PDXDC1: variants seen among roughly 807,000 people sequenced by gnomAD.
PDXDC1 encodes the protein pyridoxal-dependent decarboxylase domain-containing protein 1.
PDXDC1 carries 42 observed loss-of-function variants against 100.1 expected under a neutral mutation model. The ratio of observed to expected loss-of-function variants is 0.42; its 90% CI spans 0.33 to 0.54. The LOEUF is 0.54. Ranked by LOEUF, PDXDC1 falls within the 20% of genes least tolerant of loss-of-function variation. The pLI is 0.10. For missense variants in PDXDC1, 636 were observed against 979.2 expected (o/e 0.65, Z 4.68); for synonymous variants, 260 against 371.7 (o/e 0.70, Z 3.46).
intron 16 of PDXDC1, among the ~76,000 whole-genome samples, chr16:15,100,184 G>A (rs1258472649): frequency 6.6e-6 from 1 of 152,166 alleles, no homozygotes; most frequent in East Asian, 1.9e-4. Context: ...GCAAATGGCT[G>A]AATGGTAGGG....
chr16:15,011,631 C>CTTTTTTTTTTT, intron 8 of PDXDC1, among the ~76,000 whole-genome samples: 50 of 131,240 alleles, frequency 3.8e-4, no homozygotes, highest in Non-Finnish European at 4.7e-4. Context: ...ACATTTTTTT[C>CTTTTTTTTTTT]TTTTTTTTTT....
intron 16 of PDXDC1, among the ~76,000 whole-genome samples, chr16:15,124,325 G>C (rs1165437639): frequency 6.6e-6 from 1 of 152,152 alleles, no homozygotes. Context: ...AACTCTCTCA[G>C]GCCTCTGGCA....
chr16:15,128,399 A>G (rs763132825), intron 16 of PDXDC1: 2 of 1,514,182 alleles, frequency 1.3e-6, no homozygotes, highest in Non-Finnish European at 1.8e-6. Context: ...CCTGGAGGGC[A>G]AGAGGGAGGG....
At chr16:14,986,135 G>T (rs1329144846) in intron 1 of PDXDC1, among the ~76,000 whole-genome samples, 1 of 152,286 alleles carries the variant, frequency 6.6e-6, no homozygotes, top group Admixed American at 6.5e-5. Flanking sequence ...GCTCACGAAG[G>T]TATGAATAGT....
intron 16 of PDXDC1, among the ~76,000 whole-genome samples, chr16:15,078,865 G>A (rs551602022): frequency 1.2e-4 from 18 of 150,038 alleles, no homozygotes; most frequent in South Asian, 8.5e-4. Context: ...AGGCTGGAGC[G>A]GAGTGGCGCA....
At chr16:15,048,235 G>C in intron 16 of PDXDC1, 1 of 625,022 alleles carries the variant, frequency 1.6e-6, no homozygotes, top group Non-Finnish European at 2.8e-6. Context: ...GGACAGAGAG[G>C]CTCAAAGAAA....
chr16:15,104,862 G>A, intron 16 of PDXDC1: 5 of 1,518,416 alleles, frequency 3.3e-6, no homozygotes, highest in African/African-American at 1.4e-5. Flanking sequence ...ATAGATTTTT[G>A]CACCTTTCCA....
the PDXDC1 span, among the ~76,000 whole-genome samples, chr16:15,148,838 G>A: frequency 2.0e-5 from 3 of 152,116 alleles, no homozygotes; most frequent in African/African-American, 7.2e-5. Flanking sequence ...AACTGCTACA[G>A]ACACAACCAA....
intron 16 of PDXDC1, chr16:15,135,224 T>C (rs548638620): frequency 1.0e-5 from 8 of 777,668 alleles, no homozygotes; most frequent in East Asian, 5.3e-5. Context: ...AAACAGTAGA[T>C]GAGCAGGGAG....
rs949199841 is a variant in PDXDC1 at position 15,068,205 on chromosome 16, A to C, written c.1399+38149A>C. On this transcript the variant is annotated intron_variant, in intron 16 of 16. Transcript: ENST00000535621. The stretch of plus-strand genomic sequence containing the variant: ...AGCAAAAAAGTTAACCACTGAGGGC[A>C]GGCAAATCTTCAGGGGATTTAGCTG... 1.4e-5 allele frequency: 22 copies of C among 1,597,920 alleles called. No individual in the cohort carries two copies. Among genetic ancestry groups the C allele is most frequent in the African/African-American group, 5.4e-5 (4 of 73,856 alleles).
chr16:15,049,826 G>A (rs1411847913), intron 16 of PDXDC1, among the ~76,000 whole-genome samples: 1 of 152,168 alleles, frequency 6.6e-6, no homozygotes, highest in Non-Finnish European at 1.5e-5. Flanking sequence ...ACAGTCATGA[G>A]AAATGAAAAC....
At position 15,044,758 on chromosome 16, in the gene PDXDC1, C is replaced by T. The variant is rs112651440; in HGVS notation, c.1399+14702C>T. 725 of 244,484 alleles carry T rather than the reference C, an allele frequency of 3.0e-3. 8 individuals carry two copies. Among genetic ancestry groups the T allele is most frequent in the African/African-American group, 0.014 (629 of 44,632 alleles). The allele number at this position is 244,484 out of a possible 1,614,324, so 15.1% of individuals were successfully genotyped here. On this transcript the variant is annotated intron_variant, in intron 16 of 16. Transcript: ENST00000535621. ...TAGCACTTTGGGAGGCTGAGGTGGG[C>T]GGATCACTTGAGGTTAGGAGTCTTG...
chr16:15,066,635 A>AT (rs2044987208), intron 16 of PDXDC1, among the ~76,000 whole-genome samples: 1 of 137,356 alleles, frequency 7.3e-6, no homozygotes, highest in African/African-American at 2.5e-5. Context: ...CTTGTCTCAA[A>AT]TAAAAAAAAA....
At chr16:15,086,304 CAT>C in intron 16 of PDXDC1, 1 of 1,601,666 alleles carries the variant, frequency 6.2e-7, no homozygotes, top group African/African-American at 1.3e-5. Context: ...ATTAATATAA[CAT>C]ATACTATTAC....
At chr16:15,135,183 C>T (rs372626907) in intron 16 of PDXDC1, 51 of 825,148 alleles carry the variant, frequency 6.2e-5, no homozygotes, top group Middle Eastern at 3.3e-4. Context: ...GAGGGAAGAG[C>T]GCGCGGCCTC....
chr16:15,039,954 T>A (rs761967017), downstream of PDXDC1: 33 of 1,477,630 alleles, frequency 2.2e-5, no homozygotes, highest in Non-Finnish European at 2.9e-5. Flanking sequence ...TTAACAAAGA[T>A]GATTTGAAAC....
intron 6 of PDXDC1, among the ~76,000 whole-genome samples, chr16:15,008,560 A>T (rs1186078348): frequency 1.3e-5 from 2 of 151,292 alleles, no homozygotes; most frequent in Non-Finnish European, 1.5e-5. Context: ...AAAATTTTAC[A>T]TTATATCCTC....
rs1011297731 is a variant in PDXDC1 at position 15,109,723 on chromosome 16, A to G, written c.1400-29156A>G. 2.2e-5 allele frequency among the ~76,000 whole-genome samples: 3 copies of G among 137,968 alleles called. 1 individual carries two copies. Among genetic ancestry groups the G allele is most frequent in the African/African-American group, 8.0e-5 (3 of 37,512 alleles). 90.5% of individuals were successfully genotyped at this position (137,968 alleles called of 152,430 possible). Reference sequence around the variant, plus strand: ...AAAAATTGGCCGAATGTGGCGGCACACACCTGTAATCCAAGCTACTCGGGA... The same window carrying G: ...AAAAATTGGCCGAATGTGGCGGCACGCACCTGTAATCCAAGCTACTCGGGA... On this transcript the variant is annotated intron_variant, in intron 16 of 16. Coordinates refer to the PDXDC1 transcript ENST00000535621.
chr16:15,083,999 A>G (rs1262787678), intron 16 of PDXDC1, among the ~76,000 whole-genome samples: 1 of 152,236 alleles, frequency 6.6e-6, no homozygotes, highest in Non-Finnish European at 1.5e-5. Flanking sequence ...TACAGGCGTG[A>G]GCCACCGCGC....
Sources: gnomAD v4.1 joint callset for allele counts (sites outside exome capture counted in the v4.1 genomes callset) on GRCh38, gnomAD v4.1.1 for gene constraint, MANE v1.5 for transcripts, NCBI Gene and HGNC (gene_info 2026-07-23, HGNC 2026-07-21) for gene names.